The following SSH2 variants were observed in gnomAD, a reference collection of about 807,000 sequenced individuals.
SSH2 encodes the protein protein phosphatase Slingshot homolog 2.
A neutral mutation model predicts 135.2 loss-of-function variants in SSH2; 37 were observed. The ratio of observed to expected loss-of-function variants is 0.27; its 90% confidence interval spans 0.21 to 0.36. The LOEUF (loss-of-function observed/expected upper bound fraction) is 0.36, where lower values mean the gene tolerates loss of function less well. Ranked by LOEUF, SSH2 falls within the 10% of genes least tolerant of loss-of-function variation. The pLI, the probability that SSH2 is intolerant of heterozygous loss-of-function variation, is 1.00. For synonymous variants in SSH2, 628 were observed against 646.2 expected (o/e 0.97, Z 0.43); for missense variants, 1,408 against 1,765.3 (o/e 0.80, Z 3.63).
chr17:29,784,384 CA>C (rs71138858), intron 3 of SSH2, among the ~76,000 whole-genome samples: 84,342 of 140,892 alleles, frequency 0.6, 25,665 homozygotes, highest in African/African-American at 0.8. Context: ...GATTCCATCT[CA>C]AAAAAAAAAA....
At chr17:29,661,061 C>CAAAAAAA (rs374216221) in intron 11 of SSH2, among the ~76,000 whole-genome samples, 6 of 48,308 alleles carry the variant, frequency 1.2e-4, no homozygotes, top group Non-Finnish European at 2.3e-4. Flanking sequence ...AATTCCATCT[C>CAAAAAAA]AAAAAAAAAA....
intron 3 of SSH2, among the ~76,000 whole-genome samples, chr17:29,738,650 T>G (rs1033009047): frequency 9.3e-5 from 14 of 151,252 alleles, no homozygotes; most frequent in Non-Finnish European, 1.8e-4. Context: ...GGCTTCCGGG[T>G]TCACACCATT....
chr17:29,910,318 G>T (rs963916267), intron 1 of SSH2, among the ~76,000 whole-genome samples: 1 of 79,826 alleles, frequency 1.3e-5, no homozygotes, highest in African/African-American at 4.6e-5. Context: ...CCTGCCCATT[G>T]TAACCTATAA....
intron 7 of SSH2, among the ~76,000 whole-genome samples, chr17:29,677,438 T>C (rs1021508927): frequency 6.6e-6 from 1 of 152,208 alleles, no homozygotes; most frequent in East Asian, 1.9e-4. Context: ...AACAAACTAG[T>C]TCTTCTTTGT....
chr17:29,664,693 CAGA>C (rs1255783061), intron 11 of SSH2, among the ~76,000 whole-genome samples: 1 of 152,018 alleles, frequency 6.6e-6, no homozygotes, highest in Non-Finnish European at 1.5e-5. Context: ...AAACTCAAGA[CAGA>C]AGATTATACC....
rs534382620 is a variant in SSH2 at position 29,812,954 on chromosome 17, A to G, written c.145-19017T>C. Among the ~76,000 whole-genome samples the G allele has an allele frequency of 1.1e-4, 17 of 152,312 alleles. No homozygotes were observed. The East Asian group carries it at 2.5e-3, about 23-fold the overall frequency. On this transcript the variant is annotated intron_variant, in intron 2 of 15. Transcript: ENST00000540801. ...TATATTCAAAACCAAAAGTGTATAC[A>G]GAGAGAGGGAGAAGAAAAAATAAAA...
chr17:29,706,771 G>A (rs978597041), intron 3 of SSH2, among the ~76,000 whole-genome samples: 24 of 152,210 alleles, frequency 1.6e-4, no homozygotes, highest in African/African-American at 5.5e-4. Context: ...AAAGAAGTGT[G>A]TATATTTGTT....
rs1052600805 is a variant in SSH2, at chr17:29,851,969, G to C, written c.64-3040C>G. Reference sequence around the variant, plus strand: ...TTTCATTCTTATAAATATTTCAGATGTCCACACTAGCTCTTTCAAAATGAC... The same window carrying C: ...TTTCATTCTTATAAATATTTCAGATCTCCACACTAGCTCTTTCAAAATGAC... On this transcript the variant is annotated intron_variant, in intron 1 of 15. Transcript: ENST00000540801. Among the ~76,000 whole-genome samples the C allele has an allele frequency of 2.0e-5, 3 of 152,046 alleles. No individual in the cohort carries two copies. The East Asian group carries it at 5.8e-4, about 29-fold the overall frequency.
chr17:29,893,581 G>A lies in SSH2; in HGVS notation c.63+36357C>T, dbSNP rs184255918. On this transcript the variant is annotated intron_variant, in intron 1 of 15. Coordinates refer to ENST00000540801, the MANE Select transcript of SSH2 (RefSeq NM_001282129.2). ...ACCGAATCTGCTGGCACCTTGTCTT[G>A]GACTTCCCATCCTCCAGAACTGTGA... Among the ~76,000 whole-genome samples the A allele has an allele frequency of 3.0e-3, 453 of 152,052 alleles. 1 individual carries two copies. The highest frequency in any genetic ancestry group is 3.7e-3 in the Non-Finnish European group (251 of 67,946).
chr17:29,903,341 T>C (rs2321493), intron 1 of SSH2, among the ~76,000 whole-genome samples: 61,878 of 149,322 alleles, frequency 0.41, 14,808 homozygotes, highest in East Asian at 0.69. Context: ...CAACAGAATA[T>C]ATATTTTTAA....
At chr17:29,911,382 G>A (rs2066762245) in intron 1 of SSH2, among the ~76,000 whole-genome samples, 1 of 152,128 alleles carries the variant, frequency 6.6e-6, no homozygotes, top group Admixed American at 6.5e-5. Context: ...AATTTTTACT[G>A]TATTTGATTT....
rs78221406 is a variant in SSH2, at chr17:29,694,018, G to A, written c.357+1441C>T. Among the ~76,000 whole-genome samples the A allele has an allele frequency of 7.1e-3, 1,076 of 152,254 alleles. 8 individuals carry two copies. Among genetic ancestry groups the A allele is most frequent in the African/African-American group, 0.025 (1,040 of 41,538 alleles). The stretch of plus-strand genomic sequence containing the variant: ...AGCAGGCAGCAAGCTTGTGCAACCC[G>A]TGGCCCAAGATGGCTTTCAATGTGG... On this transcript the variant is annotated intron_variant, in intron 5 of 15. Coordinates refer to ENST00000540801, the MANE Select transcript of SSH2 (RefSeq NM_001282129.2).
chr17:29,873,950 T>C (rs2065982732), intron 1 of SSH2, among the ~76,000 whole-genome samples: 1 of 152,200 alleles, frequency 6.6e-6, no homozygotes, highest in Non-Finnish European at 1.5e-5. Context: ...AAATAATGTT[T>C]GGTTTCCAGA....
At chr17:29,680,210 G>A (rs1315470517) in intron 6 of SSH2, among the ~76,000 whole-genome samples, 1 of 152,018 alleles carries the variant, frequency 6.6e-6, no homozygotes, top group Non-Finnish European at 1.5e-5. Flanking sequence ...GGTTAAAGGA[G>A]GCTAGCCCTT....
chr17:29,650,608 G>A (rs909973610), intron 13 of SSH2, 46 bp downstream of exon 13: 5 of 1,556,570 alleles, frequency 3.2e-6, no homozygotes, highest in Admixed American at 3.6e-5. Flanking sequence ...TGTGTGGTGG[G>A]GCAAGAGGAA....
chr17:29,860,645 T>C (rs1230662853), intron 1 of SSH2, among the ~76,000 whole-genome samples: 1 of 151,968 alleles, frequency 6.6e-6, no homozygotes, highest in Non-Finnish European at 1.5e-5. Flanking sequence ...TTGGCCAGGC[T>C]AGTCATGAAC....
intron 1 of SSH2, among the ~76,000 whole-genome samples, chr17:29,887,477 C>G (rs976221718): frequency 7.2e-5 from 11 of 152,158 alleles, no homozygotes; most frequent in South Asian, 2.1e-4. Context: ...ATCTTTGGTA[C>G]GTGCTTTCAA....
At position 29,633,384 on chromosome 17, in the gene SSH2, A is replaced by G. The variant is rs139155623; in HGVS notation, c.2263-453T>C. On this transcript the variant is annotated intron_variant, in intron 15 of 15. Transcript: ENST00000540801. Reference sequence around the variant, plus strand: ...GAAAGAGTTCCATTTAAGGGCTAAGATATGTCCTTAGATATGTCCCAGTGA... The same window carrying G: ...GAAAGAGTTCCATTTAAGGGCTAAGGTATGTCCTTAGATATGTCCCAGTGA... Among the ~76,000 whole-genome samples the G allele has an allele frequency of 2.6e-4, 39 of 152,166 alleles. No individual in the cohort carries two copies. The East Asian group carries it at 7.5e-3, about 29-fold the overall frequency.
chr17:29,655,336 C>T (rs2036738826), intron 12 of SSH2, among the ~76,000 whole-genome samples: 2 of 152,280 alleles, frequency 1.3e-5, no homozygotes, highest in South Asian at 4.1e-4. Flanking sequence ...GATCTCCTGA[C>T]CTGTGATCCA....
Sources: allele counts gnomAD v4.1 joint callset (sites outside exome capture counted in the v4.1 genomes callset), GRCh38; gene constraint gnomAD v4.1.1; transcripts MANE v1.5; gene names NCBI Gene and HGNC (gene_info 2026-07-23, HGNC 2026-07-21).